NLK: variants seen among roughly 807,000 people sequenced by gnomAD.
NLK encodes the protein nemo like kinase.
NLK carries 11 observed loss-of-function variants against 59.0 expected under a neutral mutation model. The ratio of observed to expected loss-of-function variants is 0.19; its 90% CI spans 0.12 to 0.31. NLK has a LOEUF of 0.31. Among genes scored for constraint, NLK ranks in the 10% least tolerant of loss-of-function variants. The pLI is 1.00. For synonymous variants in NLK, 235 were observed against 235.9 expected (o/e 1.00, Z 0.03); for missense variants, 410 against 661.1 (o/e 0.62, Z 4.16).
chr17:28,113,418 AGGGCT>A (rs920253709), intron 1 of NLK, among the ~76,000 whole-genome samples: 6 of 152,356 alleles, frequency 3.9e-5, no homozygotes, highest in African/African-American at 1.4e-4. Flanking sequence ...AGCAGCCCTG[AGGGCT>A]GCTGGCTGCC....
chr17:28,105,226 T>G (rs1905036633), intron 1 of NLK, among the ~76,000 whole-genome samples: 1 of 152,216 alleles, frequency 6.6e-6, no homozygotes, highest in Non-Finnish European at 1.5e-5. Context: ...CAGCACTGTC[T>G]TTTAAATTTA....
chr17:28,192,340 A>T, intron 10 of NLK, 127 bp downstream of exon 10: 1 of 621,826 alleles, frequency 1.6e-6, no homozygotes, highest in South Asian at 2.0e-5. Flanking sequence ...AGTTTCTGTT[A>T]TGAGGTTTGG....
intron 1 of NLK, among the ~76,000 whole-genome samples, chr17:28,056,337 A>G (rs1240458912): frequency 6.6e-6 from 1 of 152,202 alleles, no homozygotes; most frequent in East Asian, 1.9e-4. Flanking sequence ...TCATTTTATA[A>G]GTGGGAAAAT....
chr17:28,174,228 TTTGTAAAGCAAAAGAAGAGGA>T (rs1267961515), intron 7 of NLK, among the ~76,000 whole-genome samples: 1 of 152,228 alleles, frequency 6.6e-6, no homozygotes, highest in East Asian at 1.9e-4. Flanking sequence ...AATATATTAT[TTTGTAAAGCAAAAGAAGAGGA>T]AAGGAAAATC....
At position 28,172,487 on chromosome 17, in the gene NLK, A is replaced by ACTAT. The variant is rs750291110; in HGVS notation, c.1048-23_1048-20dup. ...AATGAAAAGTTATTTCCATGAGATT[A>ACTAT]CTATCTATCTGTATTTTATTTCCTT... On this transcript the variant is annotated intron_variant, in intron 6 of 10. Coordinates refer to ENST00000407008, the MANE Select transcript of NLK (RefSeq NM_016231.5). The ACTAT allele has an allele frequency of 3.8e-5, 54 of 1,424,654 alleles. 1 individual carries two copies. Among genetic ancestry groups the ACTAT allele is most frequent in the Admixed American group, 3.6e-4 (16 of 44,908 alleles). The allele number at this position is 1,424,654 out of a possible 1,614,324, so 88.3% of individuals were successfully genotyped here. A position where few individuals can be genotyped will look rare whatever the true frequency, so the allele number is the denominator to read the frequency against.
downstream of NLK, among the ~76,000 whole-genome samples, chr17:28,201,134 C>A (rs1159411176): frequency 6.6e-6 from 1 of 152,196 alleles, no homozygotes; most frequent in Non-Finnish European, 1.5e-5. Flanking sequence ...GACTGGCATG[C>A]AGTGGGTGTG....
In NLK at chr17:28,120,235, G is replaced by GGTGTGT. The variant is rs10542547; in HGVS notation, c.459-2335_459-2330dup. Reference sequence around the variant, plus strand: ...AATCAGTATTGCAGATTTGGCTTGGGGTGTGTGTGTGTGTGTGTGTGTGTG... The same window carrying GGTGTGT: ...AATCAGTATTGCAGATTTGGCTTGGGGTGTGTGTGTGTGTGTGTGTGTGTGTGTGTG... On this transcript the variant is annotated intron_variant, in intron 1 of 10. Transcript: ENST00000407008. 2.4e-3 allele frequency among the ~76,000 whole-genome samples: 331 copies of GGTGTGT among 139,182 alleles called. 2 individuals carry two copies. The highest frequency in any genetic ancestry group is 6.8e-3 in the Admixed American group (94 of 13,908). The allele number at this position is 139,182 out of a possible 152,430, so 91.3% of individuals were successfully genotyped here.
intron 2 of NLK, among the ~76,000 whole-genome samples, chr17:28,123,518 T>G (rs146471674): frequency 8.5e-5 from 13 of 152,350 alleles, no homozygotes; most frequent in Admixed American, 8.5e-4. Context: ...GGAATAATAC[T>G]AATATTCAAC....
the NLK span, among the ~76,000 whole-genome samples, chr17:28,203,200 C>G: frequency 1.3e-4 from 19 of 151,070 alleles, no homozygotes; most frequent in East Asian, 3.9e-4. Flanking sequence ...CACACACACA[C>G]AGTCTCAGTC....
chr17:28,043,338 AT>A lies in NLK; in HGVS notation c.458+8del. ...GAGCCTTTGGTGTTGTCTGGTGAGT[AT>A]CCAAAGAAAAACACAACCTCTCATG... On this transcript the variant is annotated splice_region_variant and intron_variant, in intron 1 of 10. Coordinates refer to ENST00000407008, the MANE Select transcript of NLK (RefSeq NM_016231.5). The A allele has an allele frequency of 6.5e-7, 1 of 1,529,048 alleles. No individual in the cohort carries two copies. Among genetic ancestry groups the A allele is most frequent in the Non-Finnish European group, 8.8e-7 (1 of 1,138,978 alleles). 94.7% of individuals were successfully genotyped at this position (1,529,048 alleles called of 1,614,324 possible).
chr17:28,054,538 T>A (rs1195744668), intron 1 of NLK, among the ~76,000 whole-genome samples: 3 of 152,254 alleles, frequency 2.0e-5, no homozygotes, highest in African/African-American at 7.2e-5. Flanking sequence ...TAATAATTAA[T>A]GTTACTTAAT....
At chr17:28,055,719 TCA>T (rs1909418879) in intron 1 of NLK, among the ~76,000 whole-genome samples, 1 of 152,192 alleles carries the variant, frequency 6.6e-6, no homozygotes. Context: ...ATGTTAGCTA[TCA>T]CAATTATTAT....
intron 1 of NLK, among the ~76,000 whole-genome samples, chr17:28,093,588 T>A (rs1904590115): frequency 1.3e-5 from 2 of 152,216 alleles, no homozygotes; most frequent in African/African-American, 4.8e-5. Flanking sequence ...CAGTCTGGTA[T>A]AGTGAAAAGA....
chr17:28,158,702 T>G (rs559941584), intron 3 of NLK, among the ~76,000 whole-genome samples: 153 of 152,276 alleles, frequency 1.0e-3, no homozygotes, highest in Non-Finnish European at 1.9e-3. Context: ...CAATCATGGC[T>G]CACTGCAACC....
intron 1 of NLK, among the ~76,000 whole-genome samples, chr17:28,059,302 T>A (rs1304193510): frequency 6.6e-6 from 1 of 151,304 alleles, no homozygotes; most frequent in Non-Finnish European, 1.5e-5. Context: ...GGATTTTTTA[T>A]TTTTTTTTAA....
chr17:28,125,243 A>G (rs1430143514), intron 2 of NLK, among the ~76,000 whole-genome samples: 1 of 152,182 alleles, frequency 6.6e-6, no homozygotes, highest in Non-Finnish European at 1.5e-5. Context: ...AGTGTAAGAA[A>G]AATAAACTGA....
chr17:28,181,683 TG>T (rs1287252917), intron 7 of NLK, among the ~76,000 whole-genome samples: 2 of 152,112 alleles, frequency 1.3e-5, no homozygotes, highest in Non-Finnish European at 2.9e-5. Flanking sequence ...TGTGCATATA[TG>T]TAACTTTTTT....
In NLK at chr17:28,155,878, A is replaced by G. The variant is rs144262787; in HGVS notation, c.645-5282A>G. ...AAACCAACATGGCTCATGTATACCT[A>G]TGTAACCTGCATGTTGTGCACATGT... On this transcript the variant is annotated intron_variant, in intron 3 of 10. Transcript: ENST00000407008. Among the ~76,000 whole-genome samples, 476 of 152,312 alleles carry G rather than the reference A, an allele frequency of 3.1e-3. 5 individuals are homozygous for G. The highest frequency in any genetic ancestry group is 6.8e-3 in the Middle Eastern group (2 of 294).
chr17:28,151,082 A>G (rs1055459218), intron 3 of NLK, among the ~76,000 whole-genome samples: 2 of 152,186 alleles, frequency 1.3e-5, no homozygotes, highest in Non-Finnish European at 2.9e-5. Flanking sequence ...CAATAATCAG[A>G]TAGATGCTGT....
Sources: gnomAD v4.1 joint callset for allele counts (sites outside exome capture counted in the v4.1 genomes callset) on GRCh38, gnomAD v4.1.1 for gene constraint, MANE v1.5 for transcripts, NCBI Gene and HGNC (gene_info 2026-07-23, HGNC 2026-07-21) for gene names.